Variants in TMEM201 observed in about 807,000 individuals in gnomAD.
TMEM201 encodes the protein transmembrane protein 201.
In TMEM201, 26 loss-of-function variants were observed where a neutral mutation model predicts 63.4. The ratio of observed to expected loss-of-function variants is 0.41; its 90% CI spans 0.30 to 0.57. TMEM201 has a LOEUF of 0.57. Ranked by LOEUF, TMEM201 falls within the 20% of genes least tolerant of loss-of-function variation. The pLI, the probability that TMEM201 is intolerant of heterozygous loss-of-function variation, is 0.29. For synonymous variants in TMEM201, 417 were observed against 421.6 expected (o/e 0.99, Z 0.14); for missense variants, 794 against 917.7 (o/e 0.87, Z 1.74).
chr1:9,596,925 G>A lies in TMEM201; in HGVS notation c.301G>A (p.Ala101Thr), dbSNP rs534564369. The change falls in exon 3 of 11, where the codon GCG (alanine) becomes ACG (threonine). Residue 101 changes from alanine to threonine, a missense_variant. Physicochemically the swap from Ala to Thr is moderately conservative, Grantham distance 58 (BLOSUM62 0). Coordinates refer to ENST00000340381, the MANE Select transcript of TMEM201 (RefSeq NM_001130924.3). ...GCACCTGAACCACGTGGTGAGCAGC[G>A]CGCCCAGCCTGCGCGACCCTTCGCA... Reference protein sequence around the residue: ...LEHLNHVVSSAPSLRDPSQPQ... With the variant: ...LEHLNHVVSSTPSLRDPSQPQ... The A allele has an allele frequency of 6.2e-6, 10 of 1,612,380 alleles. No individual in the cohort carries two copies. In the Admixed American group the frequency reaches 6.7e-5, roughly 11 times the overall value.
intron 9 of TMEM201, chr1:9,611,175 C>A: frequency 3.0e-6 from 2 of 674,916 alleles, no homozygotes; most frequent in Non-Finnish European, 2.2e-6. Flanking sequence ...CAACTTTCAA[C>A]TTTCACATGA....
chr1:9,614,603 G>T lies in TMEM201; in HGVS notation c.*1520G>T, dbSNP rs1255753360. On this transcript the variant is annotated 3_prime_UTR_variant, in exon 11 of 11. Coordinates refer to ENST00000340381, the MANE Select transcript of TMEM201 (RefSeq NM_001130924.3). ...GCCTCTTGGTCCCCATTTCTGTATA[G>T]CAGGCGTGTGTGTGTGTGTCGAGGT... 2 of 152,094 alleles carry T rather than the reference G, an allele frequency of 1.3e-5. No homozygotes were observed. Among genetic ancestry groups the T allele is most frequent in the Non-Finnish European group, 2.9e-5 (2 of 68,028 alleles). The allele number at this position is 152,094 out of a possible 1,614,324, so 9.4% of individuals were successfully genotyped here.
At chr1:9,592,265 C>T (rs2100447645) in intron 1 of TMEM201, among the ~76,000 whole-genome samples, 1 of 152,342 alleles carries the variant, frequency 6.6e-6, no homozygotes. Flanking sequence ...GCGGGAAGTG[C>T]AGGTGAGGAG....
chr1:9,610,933 A>AG lies in TMEM201; in HGVS notation c.1765+130dup. The AG allele has an allele frequency of 6.7e-7, 1 of 1,493,700 alleles. No individual in the cohort carries two copies. Among genetic ancestry groups the AG allele is most frequent in the Non-Finnish European group, 9.0e-7 (1 of 1,116,006 alleles). 92.5% of individuals were successfully genotyped at this position (1,493,700 alleles called of 1,614,324 possible). A position where few individuals can be genotyped will look rare whatever the true frequency, so the allele number is the denominator to read the frequency against. On this transcript the variant is annotated intron_variant, in intron 9 of 10. Transcript: ENST00000340381. The surrounding 1 kb of genome is among the most constrained non-coding windows in gnomAD (Gnocchi z 4.9). ...GTGCGCCTTCCCACCCTGGAGCTCT[A>AG]GGCACCCCATTCCGGCTCTGGTGAC...
At position 9,597,044 on chromosome 1, in the gene TMEM201, C is replaced by T; in HGVS notation, c.420C>T (p.Pro140=). Residue 140 remains proline, a synonymous_variant, in exon 3 of 11, where the codon CCC becomes CCT. Coordinates refer to ENST00000340381, the MANE Select transcript of TMEM201 (RefSeq NM_001130924.3). ...TKIKQLAAFA[P]REEGRYDEEV... The stretch of plus-strand genomic sequence containing the variant: ...TCAAGCAGCTGGCCGCCTTCGCTCC[C>T]CGCGAGGAGGTGAGGCCGGGTTGGG... The T allele has an allele frequency of 6.2e-7, 1 of 1,603,732 alleles. No homozygotes were observed. Among genetic ancestry groups the T allele is most frequent in the Non-Finnish European group, 8.5e-7 (1 of 1,173,082 alleles).
chr1:9,596,138 C>A, intron 2 of TMEM201, 128 bp downstream of exon 2: 3 of 1,213,422 alleles, frequency 2.5e-6, no homozygotes, highest in South Asian at 2.8e-5. Context: ...ATACCCTGTC[C>A]TCTCCAGGCC....
At position 9,607,867 on chromosome 1, in the gene TMEM201, A is replaced by G; in HGVS notation, c.1393+78A>G. ...AGAACTGTGGATGGGTACATAGTGT[A>G]GGGAGGGCCGGGAGTGGTTAGTGTT... On this transcript the variant is annotated intron_variant, in intron 7 of 10. Coordinates refer to ENST00000340381, the MANE Select transcript of TMEM201 (RefSeq NM_001130924.3). This position sits in a 1 kb window ranked among gnomAD's most constrained non-coding sequence, Gnocchi z 5.4. 7.4e-7 allele frequency: 1 copy of G among 1,354,506 alleles called. No homozygotes were observed. Among genetic ancestry groups the G allele is most frequent in the Non-Finnish European group, 1.0e-6 (1 of 991,834 alleles). 83.9% of individuals were successfully genotyped at this position (1,354,506 alleles called of 1,614,324 possible). A position where few individuals can be genotyped will look rare whatever the true frequency, so the allele number is the denominator to read the frequency against.
intron 3 of TMEM201, among the ~76,000 whole-genome samples, chr1:9,597,282 C>T (rs1482750750): frequency 6.6e-6 from 1 of 152,360 alleles, no homozygotes; most frequent in Admixed American, 6.5e-5. Flanking sequence ...CTGCTTCTCC[C>T]CATGTCTTAC....
chr1:9,602,298 G>A (rs746327803), intron 6 of TMEM201, 26 bp downstream of exon 6: 1 of 1,608,320 alleles, frequency 6.2e-7, no homozygotes, highest in South Asian at 1.1e-5. Flanking sequence ...ATGACTGCGG[G>A]GGGAGGACAC....
Position 9,603,518 on chromosome 1 carries a change from C to T in TMEM201, c.1160+1246C>T. On this transcript the variant is annotated intron_variant, in intron 6 of 10. Coordinates refer to ENST00000340381, the MANE Select transcript of TMEM201 (RefSeq NM_001130924.3). This position sits in a 1 kb window ranked among gnomAD's most constrained non-coding sequence, Gnocchi z 4.5. ...AGGGCCCACATGTCCTGCCACTCGC[C>T]ACTCTGAGCACGAGTTCACCTTCCA... is the stretch of plus-strand genomic sequence containing the variant. The T allele has an allele frequency of 1.0e-6, 1 of 985,596 alleles. No individual in the cohort carries two copies. The allele number at this position is 985,596 out of a possible 1,614,324, so 61.1% of individuals were successfully genotyped here. A position where few individuals can be genotyped will look rare whatever the true frequency, so the allele number is the denominator to read the frequency against.
Position 9,611,881 on chromosome 1 carries a change from A to C in TMEM201, c.1894A>C (p.Thr632Pro). The C allele has an allele frequency of 6.5e-7, 1 of 1,547,916 alleles. No individual in the cohort carries two copies. Among genetic ancestry groups the C allele is most frequent in the Non-Finnish European group, 8.7e-7 (1 of 1,145,760 alleles). ...CAGGGGCTGCTCGGAGGAGGCCGCC[A>C]CCTGGAGAGGTCTGTACCCTGAGGT... The part of the protein sequence containing the change: ...TTRGCSEEAA[T>P]WRGRFGPSLV... The change falls in exon 10 of 11, where the codon ACC (threonine) becomes CCC (proline). Residue 632 changes from threonine (T) to proline (P), a missense_variant. By Grantham distance (38) the Thr-to-Pro change is conservative. Coordinates refer to ENST00000340381, the MANE Select transcript of TMEM201 (RefSeq NM_001130924.3).
At position 9,611,834 on chromosome 1, in the gene TMEM201, C is replaced by G. The variant is rs1557564326; in HGVS notation, c.1847C>G (p.Thr616Ser). The G allele has an allele frequency of 1.9e-5, 30 of 1,550,848 alleles. No homozygotes were observed. Among genetic ancestry groups the G allele is most frequent in the Non-Finnish European group, 2.5e-5 (29 of 1,146,996 alleles). ...GAGGACGACTCTTCCCAGTCATCTA[C>G]CTGTGTGGTGGACACCACCACCAGG... ...KKEDDSSQSSTCVVDTTTRGC... is the reference protein window; with the variant it reads ...KKEDDSSQSSSCVVDTTTRGC... Residue 616 changes from threonine (T) to serine (S), a missense_variant, in exon 10 of 11, where the codon ACC becomes AGC. Physicochemically the swap from Thr to Ser is moderately conservative, Grantham distance 58. Transcript: ENST00000340381.
chr1:9,599,508 G>T (rs1644094468), intron 4 of TMEM201, among the ~76,000 whole-genome samples: 1 of 152,190 alleles, frequency 6.6e-6, no homozygotes, highest in Non-Finnish European at 1.5e-5. Context: ...ACCCGCCTTG[G>T]CCTCCCAAAG....
intron 10 of TMEM201, among the ~76,000 whole-genome samples, chr1:9,612,556 C>T (rs1644339150): frequency 6.6e-6 from 1 of 152,250 alleles, no homozygotes; most frequent in African/African-American, 2.4e-5. Context: ...GAGGGTGGCC[C>T]AGCAGCTTGG....
Position 9,607,855 on chromosome 1 carries a change from G to C in TMEM201, c.1393+66G>C. The stretch of plus-strand genomic sequence containing the variant: ...GGCAGCTGGGACAGAACTGTGGATG[G>C]GTACATAGTGTAGGGAGGGCCGGGA... On this transcript the variant is annotated intron_variant, in intron 7 of 10. Coordinates refer to ENST00000340381, the MANE Select transcript of TMEM201 (RefSeq NM_001130924.3). This position sits in a 1 kb window ranked among gnomAD's most constrained non-coding sequence, Gnocchi z 5.4. 7.0e-7 allele frequency: 1 copy of C among 1,431,902 alleles called. No homozygotes were observed. Among genetic ancestry groups the C allele is most frequent in the Non-Finnish European group, 9.5e-7 (1 of 1,050,968 alleles). 88.7% of individuals were successfully genotyped at this position (1,431,902 alleles called of 1,614,324 possible).
Position 9,612,971 on chromosome 1 carries a change from G to T in TMEM201, c.1904-15G>T. 1 of 1,551,358 alleles carries T rather than the reference G, an allele frequency of 6.4e-7. No individual in the cohort carries two copies. Among genetic ancestry groups the T allele is most frequent in the Non-Finnish European group, 8.7e-7 (1 of 1,146,818 alleles). On this transcript the variant is annotated splice_polypyrimidine_tract_variant and intron_variant, in intron 10 of 10. Coordinates refer to ENST00000340381, the MANE Select transcript of TMEM201 (RefSeq NM_001130924.3). ...CCCACCCAAACAATGTTCTGACCAGGTCTCTGCTTTGCAGGTCGTTTCGGC... is the reference window on the plus strand; with the variant it reads ...CCCACCCAAACAATGTTCTGACCAGTTCTCTGCTTTGCAGGTCGTTTCGGC...
At position 9,610,671 on chromosome 1, in the gene TMEM201, C is replaced by G; in HGVS notation, c.1631C>G (p.Pro544Arg). ...AAGGGACAGAAGCTGCTGCTGTTCC[C>G]GTCACCCCCTGGAGAGGCCCCCACC... ...NLKGQKLLLF[P>R]SPPGEAPTTP... The change falls in exon 9 of 11, where the codon CCG becomes CGG. Residue 544 changes from proline (P) to arginine (R), a missense_variant. By Grantham distance (103) the Pro-to-Arg change is moderately radical. Coordinates refer to ENST00000340381, the MANE Select transcript of TMEM201 (RefSeq NM_001130924.3). This position sits in a 1 kb window ranked among gnomAD's most constrained non-coding sequence, Gnocchi z 4.9. 6.4e-7 allele frequency: 1 copy of G among 1,550,632 alleles called. No individual in the cohort carries two copies.
At chr1:9,602,395 C>A in intron 6 of TMEM201, 123 bp downstream of exon 6, 1 of 1,482,892 alleles carries the variant, frequency 6.7e-7, no homozygotes. Context: ...CCTCCCACCC[C>A]CACCCTACAG....
At chr1:9,612,220 C>T (rs1186236232) in intron 10 of TMEM201, among the ~76,000 whole-genome samples, 3 of 152,256 alleles carry the variant, frequency 2.0e-5, no homozygotes. Flanking sequence ...TCAGTAGGCA[C>T]CTGTGGCCCG....
Sources: allele counts gnomAD v4.1 joint callset (sites outside exome capture counted in the v4.1 genomes callset), GRCh38; gene constraint gnomAD v4.1.1; non-coding constraint Gnocchi (gnomAD v3.1); transcripts MANE v1.5; gene names NCBI Gene and HGNC (gene_info 2026-07-23, HGNC 2026-07-21).